GLRA2: variants seen among roughly 807,000 people sequenced by gnomAD.
The protein encoded by GLRA2 is glycine receptor subunit alpha-2.
In GLRA2, 11 loss-of-function variants were observed where a neutral mutation model predicts 31.6. The ratio of observed to expected loss-of-function variants is 0.35; its 90% confidence interval spans 0.22 to 0.58. The LOEUF (loss-of-function observed/expected upper bound fraction) is 0.58. GLRA2 is among the 20% of genes least tolerant of loss of function. The pLI is 0.84. For synonymous variants in GLRA2, 132 were observed against 134.0 expected, an observed-to-expected ratio of 0.99 and a Z score of 0.10; for missense variants, 212 against 351.8, an observed-to-expected ratio of 0.60 and a Z score of 3.18.
the GLRA2 span, among the ~76,000 whole-genome samples, chrX:14,477,187 T>A: frequency 3.6e-5 from 4 of 111,938 alleles, no homozygotes; most frequent in African/African-American, 1.3e-4. Context: ...AGAAGATTCC[T>A]AGGGCCAGAA....
At chrX:14,708,177 T>C (rs894806707) in intron 8 of GLRA2, among the ~76,000 whole-genome samples, 2 of 111,643 alleles carry the variant, frequency 1.8e-5, no homozygotes, top group Non-Finnish European at 3.8e-5. Context: ...CCCTTTCCCC[T>C]CACTCTATCT....
At chrX:14,474,836 A>G in the GLRA2 span, among the ~76,000 whole-genome samples, 86 of 111,953 alleles carry the variant, frequency 7.7e-4, no homozygotes, top group African/African-American at 2.6e-3. Flanking sequence ...GAAAGCCCCA[A>G]TGTATAAGTA....
chrX:14,470,638 T>C, the GLRA2 span, among the ~76,000 whole-genome samples: 1 of 112,085 alleles, frequency 8.9e-6, no homozygotes, highest in East Asian at 2.8e-4. Flanking sequence ...AGATTTTGTT[T>C]ATAACCCTGC....
rs6526820 is a variant in GLRA2 at position 14,647,430 on chromosome X, T to C, written c.930+38225T>C. On this transcript the variant is annotated intron_variant, in intron 7 of 8. Coordinates refer to ENST00000218075, the MANE Select transcript of GLRA2 (RefSeq NM_002063.4). Reference sequence around the variant, plus strand: ...AAAGGAGGCAATTAAGGGTCCAAGCTCTACTACCAGTGCTTGGCAGTACCA... The same window carrying C: ...AAAGGAGGCAATTAAGGGTCCAAGCCCTACTACCAGTGCTTGGCAGTACCA... Among the ~76,000 whole-genome samples the C allele has an allele frequency of 3.6e-3, 403 of 111,551 alleles. 1 individual carries two copies. The highest frequency in any genetic ancestry group is 0.012 in the African/African-American group (377 of 30,728).
At chrX:14,506,703 A>G in the GLRA2 span, among the ~76,000 whole-genome samples, 1 of 111,741 alleles carries the variant, frequency 8.9e-6, no homozygotes, top group Admixed American at 9.5e-5. Flanking sequence ...AATAAAGAGG[A>G]GCCAAGTCCT....
the GLRA2 span, among the ~76,000 whole-genome samples, chrX:14,466,777 AG>A: frequency 1.8e-5 from 2 of 112,234 alleles, no homozygotes; most frequent in Non-Finnish European, 3.8e-5. Context: ...GTTTACATCA[AG>A]GGAGCATTAA....
At chrX:14,574,625 G>A in intron 3 of GLRA2, 1 of 836,675 alleles carries the variant, frequency 1.2e-6, no homozygotes, top group Non-Finnish European at 1.8e-6. Flanking sequence ...AGTGCACTGT[G>A]GCATATTTGT....
At chrX:14,547,468 C>T (rs931988045) in intron 2 of GLRA2, among the ~76,000 whole-genome samples, 1 of 111,174 alleles carries the variant, frequency 9.0e-6, no homozygotes, top group African/African-American at 3.3e-5. Context: ...GGTTGAGTTT[C>T]CAAGAAGCAG....
intron 7 of GLRA2, among the ~76,000 whole-genome samples, chrX:14,616,046 G>A (rs745830065): frequency 9.9e-5 from 11 of 111,121 alleles, no homozygotes; most frequent in East Asian, 5.7e-4. Flanking sequence ...TCTTTTAACC[G>A]TTTAGAGCAT....
At position 14,731,327 on chromosome X, in the gene GLRA2, T is replaced by C. The variant is rs771548444; in HGVS notation, c.*842T>C. On this transcript the variant is annotated 3_prime_UTR_variant, in exon 9 of 9. Transcript: ENST00000218075. ...TTTATTTTATATCCAAGTTAGTGCA[T>C]TATATATATATTTTTGCTTTGGCTA... The C allele has an allele frequency of 8.9e-6, 1 of 112,192 alleles. No individual in the cohort carries two copies. Among genetic ancestry groups the C allele is most frequent in the African/African-American group, 3.2e-5 (1 of 30,800 alleles). 9.2% of individuals were successfully genotyped at this position (112,192 alleles called of 1,213,427 possible).
chrX:14,611,931 C>T (rs941038435), intron 7 of GLRA2, among the ~76,000 whole-genome samples: 1 of 111,676 alleles, frequency 9.0e-6, no homozygotes, highest in African/African-American at 3.2e-5. Context: ...TACTTTTGTA[C>T]CAACCTAGTA....
the GLRA2 span, among the ~76,000 whole-genome samples, chrX:14,451,073 A>G: frequency 1.8e-5 from 2 of 111,732 alleles, no homozygotes; most frequent in Non-Finnish European, 3.8e-5. Flanking sequence ...TCATAAATAC[A>G]GGAAAATAAT....
At chrX:14,531,581 T>G in intron 1 of GLRA2, among the ~76,000 whole-genome samples, 1 of 111,199 alleles carries the variant, frequency 9.0e-6, no homozygotes, top group Admixed American at 9.5e-5. Context: ...TTTAAATGCT[T>G]ATATAAGCAT....
chrX:14,673,214 C>G (rs2091112085), intron 7 of GLRA2, among the ~76,000 whole-genome samples: 1 of 111,801 alleles, frequency 8.9e-6, no homozygotes, highest in African/African-American at 3.3e-5. Flanking sequence ...TGGAGAAGTT[C>G]AGCACCAGAA....
intron 2 of GLRA2, among the ~76,000 whole-genome samples, chrX:14,559,419 CTTTTTTTTTTTTTT>C (rs753470377): frequency 8.2e-5 from 4 of 48,589 alleles, no homozygotes; most frequent in African/African-American, 1.1e-4. Context: ...GGGGCCATTT[CTTTTTTTTTTTTTT>C]TTTTTTTTTT....
chrX:14,579,153 G>A (rs1181474493), intron 3 of GLRA2, among the ~76,000 whole-genome samples: 5 of 112,178 alleles, frequency 4.5e-5, no homozygotes, highest in Non-Finnish European at 9.4e-5. Flanking sequence ...TAAGAAGATA[G>A]ACAGCCCCTT....
At chrX:14,621,989 G>C (rs774112045) in intron 7 of GLRA2, among the ~76,000 whole-genome samples, 2 of 112,113 alleles carry the variant, frequency 1.8e-5, no homozygotes, top group East Asian at 5.6e-4. Context: ...CAGTGTAAAA[G>C]TGTTCCTATT....
chrX:14,486,124 G>T, the GLRA2 span, among the ~76,000 whole-genome samples: 35 of 111,149 alleles, frequency 3.1e-4, no homozygotes, highest in African/African-American at 1.1e-3. Flanking sequence ...TGAAAAACAT[G>T]AAAAGATACG....
At chrX:14,574,624 T>C (rs2089928544) in intron 3 of GLRA2, 2 of 837,191 alleles carry the variant, frequency 2.4e-6, no homozygotes, top group Non-Finnish European at 3.6e-6. Context: ...AAGTGCACTG[T>C]GGCATATTTG....
Sources: gnomAD v4.1 joint callset for allele counts (sites outside exome capture counted in the v4.1 genomes callset) on GRCh38, gnomAD v4.1.1 for gene constraint, MANE v1.5 for transcripts, NCBI Gene and HGNC (gene_info 2026-07-23, HGNC 2026-07-21) for gene names.